Variants in ADAMTS18 observed in about 807,000 individuals in gnomAD.
ADAMTS18 encodes ADAM metallopeptidase with thrombospondin type 1 motif 18, also known as A disintegrin and metalloproteinase with thrombospondin motifs 18.
In ADAMTS18, 157 loss-of-function variants were observed where a neutral mutation model predicts 165.9. The ratio of observed to expected loss-of-function variants is 0.95; its 90% CI spans 0.83 to 1.08. The LOEUF (loss-of-function observed/expected upper bound fraction) is 1.08, where lower values mean the gene tolerates loss of function less well. Ranked by LOEUF, ADAMTS18 falls within the 50% of genes least tolerant of loss-of-function variation. ADAMTS18 has a pLI of 0.00. For missense variants in ADAMTS18, 2,040 were observed against 1,534.0 expected (o/e 1.33, Z -5.51); for synonymous variants, 782 against 578.2 (o/e 1.35, Z -5.06).
In ADAMTS18 at chr16:77,293,089, G is replaced by A. The variant is rs1432020394; in HGVS notation, c.3176C>T (p.Ser1059Phe). The A allele has an allele frequency of 6.8e-6, 11 of 1,613,916 alleles. No individual in the cohort carries two copies. Among genetic ancestry groups the A allele is most frequent in the African/African-American group, 1.3e-5 (1 of 74,878 alleles). ...TCTAATCCATACCTCGCTCCACGAA[G>A]AAGCGACCCACTGTAGCCGGCTGTT... ...PKNSRLQWVA[S>F]SWSECSATCG... The change falls in exon 20 of 23, where the codon TCT (serine) becomes TTT (phenylalanine). Residue 1059 changes from serine to phenylalanine, a missense_variant. Physicochemically the swap from Ser to Phe is radical, Grantham distance 155. Coordinates refer to ENST00000282849, the MANE Select transcript of ADAMTS18 (RefSeq NM_199355.4).
At chr16:77,430,174 A>C (rs2057721387) in intron 3 of ADAMTS18, among the ~76,000 whole-genome samples, 2 of 149,960 alleles carry the variant, frequency 1.3e-5, no homozygotes, top group Admixed American at 1.3e-4. Context: ...ACAAACAAAC[A>C]AAAAAACAAG....
intron 6 of ADAMTS18, 28 bp from the exon 7 acceptor site, chr16:77,362,292 G>A (rs779479229): frequency 1.9e-6 from 3 of 1,612,774 alleles, no homozygotes; most frequent in Non-Finnish European, 2.5e-6. Flanking sequence ...AAATCAAAGT[G>A]TGAATTTGTC....
At chr16:77,401,085 G>A (rs1487736126) in intron 3 of ADAMTS18, among the ~76,000 whole-genome samples, 4 of 151,828 alleles carry the variant, frequency 2.6e-5, no homozygotes, top group Admixed American at 6.6e-5. Context: ...GAGAAACCAC[G>A]TCTCTACTAA....
intron 3 of ADAMTS18, among the ~76,000 whole-genome samples, chr16:77,426,565 T>C (rs1427071154): frequency 6.6e-6 from 1 of 152,200 alleles, no homozygotes; most frequent in Non-Finnish European, 1.5e-5. Flanking sequence ...CACAGCTTGG[T>C]TCACAATAAA....
intron 3 of ADAMTS18, 82 bp downstream of exon 3, chr16:77,431,213 G>A (rs2057735001): frequency 6.8e-7 from 1 of 1,466,126 alleles, no homozygotes; most frequent in South Asian, 1.1e-5. Flanking sequence ...GGCTGGAAGA[G>A]CATTTATATT....
intron 8 of ADAMTS18, among the ~76,000 whole-genome samples, chr16:77,356,833 G>A (rs1443627884): frequency 6.6e-6 from 1 of 152,052 alleles, no homozygotes; most frequent in Non-Finnish European, 1.5e-5. Context: ...CTGACAGGAA[G>A]AATAAATGTG....
At chr16:77,346,916 G>C (rs1322564347) in intron 10 of ADAMTS18, among the ~76,000 whole-genome samples, 1 of 152,060 alleles carries the variant, frequency 6.6e-6, no homozygotes, top group Non-Finnish European at 1.5e-5. Context: ...CCACATTCAA[G>C]GCAGAATATT....
At chr16:77,285,865 ACCT>A (rs2055240124) in intron 22 of ADAMTS18, among the ~76,000 whole-genome samples, 1 of 152,050 alleles carries the variant, frequency 6.6e-6, no homozygotes, top group Non-Finnish European at 1.5e-5. Flanking sequence ...CTCTAGTGGA[ACCT>A]CCTCCAACCG....
intron 15 of ADAMTS18, 136 bp from the exon 16 acceptor site, chr16:77,320,229 A>G: frequency 9.2e-6 from 10 of 1,086,802 alleles, no homozygotes; most frequent in South Asian, 5.5e-5. Context: ...TTCTTACTCT[A>G]TGAAGTAAAC....
chr16:77,360,173 A>T (rs899168097), intron 7 of ADAMTS18, among the ~76,000 whole-genome samples: 2 of 152,228 alleles, frequency 1.3e-5, no homozygotes, highest in African/African-American at 4.8e-5. Flanking sequence ...TCAAGACGGA[A>T]GTGAGATCAG....
chr16:77,434,391 T>C (rs1438609378), intron 2 of ADAMTS18, 27 bp downstream of exon 2: 1 of 1,555,934 alleles, frequency 6.4e-7, no homozygotes, highest in Admixed American at 1.9e-5. Flanking sequence ...GAAAGGCCCT[T>C]CTTGGGGATG....
chr16:77,329,140 C>G (rs1044903694), intron 12 of ADAMTS18, among the ~76,000 whole-genome samples: 46 of 151,380 alleles, frequency 3.0e-4, no homozygotes, highest in African/African-American at 1.1e-3. Context: ...GAGTCTTGCT[C>G]TATCACCCAG....
At chr16:77,420,200 A>G (rs1018660935) in intron 3 of ADAMTS18, among the ~76,000 whole-genome samples, 4 of 151,636 alleles carry the variant, frequency 2.6e-5, no homozygotes, top group Non-Finnish European at 4.4e-5. Context: ...TGCTGCAACT[A>G]GTAAGTCTAA....
rs541687830 is a variant in ADAMTS18 at position 77,283,140 on chromosome 16, G to A, written c.*816C>T. ...TGGGTATGTAGCATTCCCAAAGAGCGGGCTGTAGCTTTTCATGGACTGATT... is the reference window on the plus strand; with the variant it reads ...TGGGTATGTAGCATTCCCAAAGAGCAGGCTGTAGCTTTTCATGGACTGATT... On this transcript the variant is annotated 3_prime_UTR_variant, in exon 23 of 23. Coordinates refer to ENST00000282849, the MANE Select transcript of ADAMTS18 (RefSeq NM_199355.4). The A allele has an allele frequency of 5.0e-4, 76 of 152,406 alleles. No homozygotes were observed. Among genetic ancestry groups the A allele is most frequent in the African/African-American group, 1.6e-3 (68 of 41,456 alleles). The allele number at this position is 152,406 out of a possible 1,614,324, so 9.4% of individuals were successfully genotyped here.
At chr16:77,408,787 G>A (rs2057424137) in intron 3 of ADAMTS18, among the ~76,000 whole-genome samples, 2 of 152,108 alleles carry the variant, frequency 1.3e-5, no homozygotes, top group African/African-American at 4.8e-5. Flanking sequence ...GGTGGTTAGA[G>A]GAGTGTGGCC....
intron 3 of ADAMTS18, among the ~76,000 whole-genome samples, chr16:77,396,956 G>A (rs546351909): frequency 6.6e-5 from 10 of 152,048 alleles, no homozygotes; most frequent in East Asian, 3.9e-4. Flanking sequence ...ACAGGCGCCC[G>A]CCACCACGCC....
intron 3 of ADAMTS18, among the ~76,000 whole-genome samples, chr16:77,394,050 A>G (rs2057225291): frequency 6.6e-6 from 1 of 152,186 alleles, no homozygotes; most frequent in African/African-American, 2.4e-5. Context: ...ATTGATGACG[A>G]TTTTATTTGT....
At chr16:77,403,353 G>T (rs1455477405) in intron 3 of ADAMTS18, among the ~76,000 whole-genome samples, 5 of 144,534 alleles carry the variant, frequency 3.5e-5, no homozygotes, top group Admixed American at 1.4e-4. Flanking sequence ...GAGGTAGGCA[G>T]TATGAAGAGT....
intron 3 of ADAMTS18, among the ~76,000 whole-genome samples, chr16:77,377,377 C>A (rs528267426): frequency 7.0e-4 from 107 of 152,266 alleles, no homozygotes; most frequent in African/African-American, 1.9e-3. Flanking sequence ...TATAAATAAG[C>A]TTCCTGAAGG....
Sources: gnomAD v4.1 joint callset for allele counts (sites outside exome capture counted in the v4.1 genomes callset) on GRCh38, gnomAD v4.1.1 for gene constraint, MANE v1.5 for transcripts, NCBI Gene and HGNC (gene_info 2026-07-23, HGNC 2026-07-21) for gene names.